The following ARHGEF9 variants were observed in gnomAD, a reference collection of about 807,000 sequenced individuals.
ARHGEF9 encodes the protein rho guanine nucleotide exchange factor 9.
In ARHGEF9, 2 loss-of-function variants were observed where a neutral mutation model predicts 41.3. The ratio of observed to expected loss-of-function variants is 0.05; its 90% CI spans 0.02 to 0.15. ARHGEF9 has a LOEUF of 0.15. Among genes scored for constraint, ARHGEF9 ranks in the 10% least tolerant of loss-of-function variants. The pLI is 1.00. For missense variants in ARHGEF9, 225 were observed against 424.7 expected (o/e 0.53, Z 4.13); for synonymous variants, 160 against 154.4 (o/e 1.04, Z -0.27).
At chrX:63,778,771 G>C (rs2056335063) in intron 1 of ARHGEF9, among the ~76,000 whole-genome samples, 1 of 111,972 alleles carries the variant, frequency 8.9e-6, no homozygotes, top group Admixed American at 9.5e-5. Context: ...CTCTAGGGCA[G>C]GGGCAAAATG....
rs574701511 is a variant in ARHGEF9 at position 63,645,012 on chromosome X, C to T, written c.1322-964G>A. 2.6e-4 allele frequency among the ~76,000 whole-genome samples: 29 copies of T among 109,605 alleles called. No individual in the cohort carries two copies. In the South Asian group the frequency reaches 0.011, roughly 42 times the overall value. On this transcript the variant is annotated intron_variant, in intron 8 of 9. Transcript: ENST00000671741. ...CTGGTGTTGAATTCCTGGGCTCAAA[C>T]GATCCTCCCACCTCAGCCTCCCAAA...
chrX:63,783,546 G>A (rs868982680), intron 1 of ARHGEF9, among the ~76,000 whole-genome samples: 1 of 111,769 alleles, frequency 8.9e-6, no homozygotes, highest in Admixed American at 9.4e-5. Flanking sequence ...GTGGGCGGCC[G>A]CGCCCGGCTT....
At chrX:63,781,545 A>G (rs1227448121) in intron 1 of ARHGEF9, among the ~76,000 whole-genome samples, 2 of 111,734 alleles carry the variant, frequency 1.8e-5, no homozygotes, top group Non-Finnish European at 3.8e-5. Context: ...CGAGCAGGTG[A>G]TCAGAAAGGA....
chrX:63,637,211 C>G lies in ARHGEF9; in HGVS notation c.*817G>C, dbSNP rs2047351961. ...AAACCCCAGTGATAGAAGAAACAGC[C>G]TGAATGCAAAATGTTCCCTGAACAG... On this transcript the variant is annotated 3_prime_UTR_variant, in exon 10 of 10. Coordinates refer to ENST00000671741, the MANE Select transcript of ARHGEF9 (RefSeq NM_001353921.2). The G allele has an allele frequency of 1.4e-5, 4 of 296,081 alleles. No individual in the cohort carries two copies. The highest frequency in any genetic ancestry group is 1.8e-5 in the Non-Finnish European group (3 of 170,169). The allele number at this position is 296,081 out of a possible 1,213,427, so 24.4% of individuals were successfully genotyped here.
chrX:63,702,268 G>T (rs1556396482), intron 3 of ARHGEF9, among the ~76,000 whole-genome samples: 1 of 112,341 alleles, frequency 8.9e-6, no homozygotes, highest in Admixed American at 9.4e-5. Context: ...ATAAAGCATC[G>T]TTAGCTCTGC....
At chrX:63,757,246 C>A (rs1340165927) in intron 1 of ARHGEF9, among the ~76,000 whole-genome samples, 2 of 111,402 alleles carry the variant, frequency 1.8e-5, no homozygotes, top group Non-Finnish European at 3.8e-5. Flanking sequence ...CATTGATGCA[C>A]CTCCTTTCTA....
intron 4 of ARHGEF9, among the ~76,000 whole-genome samples, chrX:63,686,675 CTGAGAATG>C (rs1467457314): frequency 1.8e-5 from 2 of 111,320 alleles, no homozygotes; most frequent in African/African-American, 6.5e-5. Context: ...ATTCTCATAA[CTGAGAATG>C]TCACCAAAAT....
At chrX:63,705,957 G>T (rs782035493) in intron 3 of ARHGEF9, among the ~76,000 whole-genome samples, 42 of 111,484 alleles carry the variant, frequency 3.8e-4, no homozygotes, top group Non-Finnish European at 6.6e-4. Flanking sequence ...ATACCAAAAA[G>T]ATAAAGGTAG....
intron 1 of ARHGEF9, among the ~76,000 whole-genome samples, chrX:63,782,634 C>T (rs1486180224): frequency 4.4e-5 from 5 of 112,483 alleles, no homozygotes; most frequent in Non-Finnish European, 9.4e-5. Context: ...AAAAAGAAAT[C>T]TCACTGTTAT....
chrX:63,694,407 T>C (rs1173005753), intron 4 of ARHGEF9, among the ~76,000 whole-genome samples: 3 of 112,309 alleles, frequency 2.7e-5, no homozygotes, highest in Non-Finnish European at 1.9e-5. Context: ...AATATTGTAC[T>C]AGAATGTTCA....
chrX:63,759,314 C>T (rs1171360653), intron 1 of ARHGEF9, among the ~76,000 whole-genome samples: 1 of 110,909 alleles, frequency 9.0e-6, no homozygotes, highest in African/African-American at 3.3e-5. Flanking sequence ...ATACCCCTCC[C>T]GAGATCTATT....
chrX:63,660,791 AC>A (rs1261364281), intron 7 of ARHGEF9, among the ~76,000 whole-genome samples: 1 of 112,222 alleles, frequency 8.9e-6, no homozygotes, highest in Non-Finnish European at 1.9e-5. Flanking sequence ...GTCTCATTTA[AC>A]CCTCACAACT....
At chrX:63,660,478 C>T (rs1440874936) in intron 7 of ARHGEF9, among the ~76,000 whole-genome samples, 1 of 110,848 alleles carries the variant, frequency 9.0e-6, no homozygotes, top group Non-Finnish European at 1.9e-5. Flanking sequence ...ATTTGTGTAC[C>T]AAAACCCGGC....
chrX:63,666,590 C>A (rs1556349198), intron 6 of ARHGEF9, among the ~76,000 whole-genome samples: 1 of 108,922 alleles, frequency 9.2e-6, no homozygotes, highest in African/African-American at 3.4e-5. Flanking sequence ...ACTTGAAGAA[C>A]AGGCCTTAAT....
At chrX:63,703,204 C>G (rs2052303677) in intron 3 of ARHGEF9, 1 of 112,077 alleles carries the variant, frequency 8.9e-6, no homozygotes, top group African/African-American at 3.2e-5. Flanking sequence ...AATAAGGAAC[C>G]AGCAAATTGT....
intron 5 of ARHGEF9, among the ~76,000 whole-genome samples, chrX:63,675,497 T>A (rs2050206504): frequency 8.9e-6 from 1 of 111,984 alleles, no homozygotes; most frequent in South Asian, 3.7e-4. Context: ...CAAGCCTCAC[T>A]CCCTCTCTCA....
At chrX:63,696,308 G>T (rs1195575815) in intron 4 of ARHGEF9, among the ~76,000 whole-genome samples, 1 of 111,548 alleles carries the variant, frequency 9.0e-6, no homozygotes, top group Non-Finnish European at 1.9e-5. Context: ...TATTAAAAGG[G>T]GAAACATGCT....
intron 8 of ARHGEF9, among the ~76,000 whole-genome samples, chrX:63,653,950 A>G (rs1452828991): frequency 9.0e-6 from 1 of 111,182 alleles, no homozygotes; most frequent in Non-Finnish European, 1.9e-5. Flanking sequence ...TATCCACTAT[A>G]GAGAGGCAGG....
intron 6 of ARHGEF9, among the ~76,000 whole-genome samples, chrX:63,666,439 C>CAT (rs781990002): frequency 0.015 from 824 of 56,493 alleles, 18 homozygotes; most frequent in Admixed American, 0.1. Flanking sequence ...CACATACACA[C>CAT]ATATATATAT....
Sources: allele counts gnomAD v4.1 joint callset (sites outside exome capture counted in the v4.1 genomes callset), GRCh38; gene constraint gnomAD v4.1.1; transcripts MANE v1.5; gene names NCBI Gene and HGNC (gene_info 2026-07-23, HGNC 2026-07-21).